PDE9A: variants seen among roughly 807,000 people sequenced by gnomAD.
PDE9A encodes high affinity cGMP-specific 3',5'-cyclic phosphodiesterase 9A.
A neutral mutation model predicts 87.4 loss-of-function variants in PDE9A; 60 were observed. That is an observed-to-expected ratio of 0.69 (90% CI 0.56 to 0.85). The LOEUF is 0.85. PDE9A is among the 40% of genes least tolerant of loss of function. The pLI is 0.00. For missense variants in PDE9A, 665 were observed against 779.0 expected (o/e 0.85, Z 1.74); for synonymous variants, 272 against 279.4 (o/e 0.97, Z 0.27).
intron 6 of PDE9A, among the ~76,000 whole-genome samples, chr21:42,732,839 G>A (rs530473404): frequency 6.6e-5 from 10 of 152,310 alleles, no homozygotes; most frequent in South Asian, 4.1e-4. Flanking sequence ...ACTTGAACCC[G>A]GGAGGTGGAG....
Position 42,731,916 on chromosome 21 carries a change from G to A in PDE9A, c.409G>A (p.Gly137Ser), listed in dbSNP as rs762181952. The change falls in exon 5 of 20, where the codon GGC (glycine) becomes AGC (serine). Residue 137 changes from glycine to serine, a missense_variant. Physicochemically the swap from Gly to Ser is moderately conservative, Grantham distance 56. Coordinates refer to ENST00000291539, the MANE Select transcript of PDE9A (RefSeq NM_002606.3). The part of the protein sequence containing the change: ...QVEPRPREPQ[G>S]CYQEGQRIPP... ...AGAGCCCAGGCCCAGAGAGCCCCAG[G>A]GCTGCTACCAGGAAGGCCAGCGCAT... 2 of 1,614,054 alleles carry A rather than the reference G, an allele frequency of 1.2e-6. No individual in the cohort carries two copies. The highest frequency in any genetic ancestry group is 2.2e-5 in the South Asian group (2 of 91,076).
chr21:42,730,773 C>T (rs183585161), intron 4 of PDE9A, among the ~76,000 whole-genome samples: 3 of 152,194 alleles, frequency 2.0e-5, no homozygotes, highest in African/African-American at 4.8e-5. Flanking sequence ...ATTGGGTGGG[C>T]GTGCAGGTTG....
chr21:42,728,636 G>A (rs2051390421), intron 4 of PDE9A, among the ~76,000 whole-genome samples: 1 of 152,134 alleles, frequency 6.6e-6, no homozygotes, highest in African/African-American at 2.4e-5. Flanking sequence ...CATGAGGGAT[G>A]TTGGCATGTA....
intron 1 of PDE9A, among the ~76,000 whole-genome samples, chr21:42,677,203 C>G (rs2058892258): frequency 6.6e-6 from 1 of 152,176 alleles, no homozygotes; most frequent in Admixed American, 6.5e-5. Context: ...AAATTTCGCT[C>G]CAGATTCGTT....
chr21:42,761,571 C>G lies in PDE9A; in HGVS notation c.1086-512C>G, dbSNP rs528528796. On this transcript the variant is annotated intron_variant, in intron 13 of 19. Transcript: ENST00000291539. ...GTGTTTGTGTGATGTCATCACATGC[C>G]TGAGAGCTCTGCTGCCATGTGTCAG... Among the ~76,000 whole-genome samples, 23 of 152,356 alleles carry G rather than the reference C, an allele frequency of 1.5e-4. No individual in the cohort carries two copies. In the Middle Eastern group the frequency reaches 0.01, roughly 68 times the overall value.
At chr21:42,744,370 C>T (rs966083743) in intron 8 of PDE9A, among the ~76,000 whole-genome samples, 8 of 152,080 alleles carry the variant, frequency 5.3e-5, no homozygotes, top group African/African-American at 1.7e-4. Flanking sequence ...AAAAAGAGCA[C>T]ATATTGGAGA....
At chr21:42,737,815 G>A (rs144356966) in intron 7 of PDE9A, among the ~76,000 whole-genome samples, 1 of 152,140 alleles carries the variant, frequency 6.6e-6, no homozygotes, top group African/African-American at 2.4e-5. Context: ...GCCACCTTAA[G>A]GCCATATTAT....
At chr21:42,752,140 C>G in intron 9 of PDE9A, among the ~76,000 whole-genome samples, 1 of 152,186 alleles carries the variant, frequency 6.6e-6, no homozygotes. Context: ...CTGCCACTGC[C>G]TGCGGTTCAA....
chr21:42,687,722 C>T (rs534899919), intron 2 of PDE9A, among the ~76,000 whole-genome samples, 195 bp from the exon 3 acceptor site: 1 of 152,218 alleles, frequency 6.6e-6, no homozygotes, highest in Non-Finnish European at 1.5e-5. Context: ...TTATACGCAG[C>T]TGTTTAATTT....
rs2054769906 is a variant in PDE9A, at chr21:42,754,209, T to C, written c.810+145T>C. ...CTGAAAAAAAAAAACAAAACTTGTT[T>C]TGCCAGGTTTTAGTTGAAACTAACT... On this transcript the variant is annotated intron_variant, in intron 10 of 19. Coordinates refer to ENST00000291539, the MANE Select transcript of PDE9A (RefSeq NM_002606.3). The C allele has an allele frequency of 1.2e-5, 7 of 599,692 alleles. No individual in the cohort carries two copies. In the East Asian group the frequency reaches 2.0e-4, roughly 17 times the overall value. 37.1% of individuals were successfully genotyped at this position (599,692 alleles called of 1,614,324 possible).
At chr21:42,740,454 A>G (rs1382909959) in intron 7 of PDE9A, among the ~76,000 whole-genome samples, 2 of 151,992 alleles carry the variant, frequency 1.3e-5, no homozygotes, top group Non-Finnish European at 2.9e-5. Flanking sequence ...AAAAAAAAAA[A>G]AAGAAAAGAA....
intron 4 of PDE9A, among the ~76,000 whole-genome samples, chr21:42,726,622 A>T (rs751184698): frequency 0.18 from 4,495 of 24,638 alleles, 449 homozygotes; most frequent in African/African-American, 0.47. Context: ...ATATATATAT[A>T]TATTTTTTTT....
chr21:42,698,787 T>C (rs746881270), intron 3 of PDE9A, 181 bp from the exon 4 acceptor site: 16 of 465,816 alleles, frequency 3.4e-5, no homozygotes, highest in Non-Finnish European at 5.7e-5. Flanking sequence ...ATGATATACT[T>C]GAAATTCATC....
chr21:42,679,467 C>G (rs1011772359), intron 1 of PDE9A, among the ~76,000 whole-genome samples: 2 of 152,032 alleles, frequency 1.3e-5, no homozygotes, highest in Non-Finnish European at 2.9e-5. Flanking sequence ...CCATGAAGCA[C>G]CCCCCAGGAG....
intron 7 of PDE9A, among the ~76,000 whole-genome samples, chr21:42,740,598 GATGGATGGATGGATGGATGGATGGATGA>G (rs1569228200): frequency 2.3e-4 from 24 of 105,688 alleles, no homozygotes; most frequent in African/African-American, 9.0e-4. Context: ...TGGATGGATG[GATGGATGGATGGATGGATGGATGGATGA>G]ATGGATACAT....
intron 1 of PDE9A, among the ~76,000 whole-genome samples, chr21:42,658,274 C>A (rs2057239206): frequency 2.6e-5 from 4 of 152,374 alleles, no homozygotes; most frequent in Admixed American, 1.3e-4. Flanking sequence ...CAGGCCTCTG[C>A]ACCCTGCTGG....
At chr21:42,753,861 CAA>C (rs57957426) in intron 9 of PDE9A, 127 bp from the exon 10 acceptor site, 59,887 of 423,750 alleles carry the variant, frequency 0.14, 5 homozygotes, top group East Asian at 0.21. Flanking sequence ...GACTCTATCT[CAA>C]AAAAAAAAAA....
At chr21:42,669,351 C>G (rs907959047) in intron 1 of PDE9A, among the ~76,000 whole-genome samples, 2 of 152,138 alleles carry the variant, frequency 1.3e-5, no homozygotes, top group African/African-American at 4.8e-5. Context: ...TTGTTGACAT[C>G]CCCGCCTCCC....
intron 8 of PDE9A, among the ~76,000 whole-genome samples, chr21:42,750,678 C>T (rs1433918882): frequency 2.0e-5 from 3 of 152,046 alleles, no homozygotes; most frequent in South Asian, 2.1e-4. Flanking sequence ...TGGGTTCAAG[C>T]GATTCTCCTG....
Sources: gnomAD v4.1 joint callset for allele counts (sites outside exome capture counted in the v4.1 genomes callset) on GRCh38, gnomAD v4.1.1 for gene constraint, MANE v1.5 for transcripts, NCBI Gene and HGNC (gene_info 2026-07-23, HGNC 2026-07-21) for gene names.